EIF4G2: variants seen among roughly 807,000 people sequenced by gnomAD.
EIF4G2 encodes the protein eukaryotic translation initiation factor 4 gamma 2.
EIF4G2 carries 8 observed loss-of-function variants against 117.7 expected under a neutral mutation model. That is an observed-to-expected ratio of 0.07 (90% confidence interval 0.04 to 0.12). EIF4G2 has a LOEUF of 0.12. Among genes scored for constraint, EIF4G2 ranks in the 10% least tolerant of loss-of-function variants. The pLI is 1.00. For missense variants in EIF4G2, 812 were observed against 1,086.2 expected (o/e 0.75, Z 3.55); for synonymous variants, 413 against 367.8 (o/e 1.12, Z -1.41).
At chr11:10,807,155 A>T (rs1847600917) in intron 2 of EIF4G2, 100 bp downstream of exon 2, 2 of 1,496,804 alleles carry the variant, frequency 1.3e-6, no homozygotes, top group Admixed American at 4.5e-5. Context: ...AACTTTTCAA[A>T]TGAAAATTGC....
intron 19 of EIF4G2, 34 bp from the exon 20 acceptor site, chr11:10,799,458 G>C: frequency 6.2e-7 from 1 of 1,610,716 alleles, no homozygotes; most frequent in Non-Finnish European, 8.5e-7. Context: ...GAACCCAACA[G>C]TGAGTTTTCT....
chr11:10,807,480 G>C, intron 1 of EIF4G2, 99 bp from the exon 2 acceptor site: 1 of 1,401,182 alleles, frequency 7.1e-7, no homozygotes, highest in South Asian at 1.7e-5. Flanking sequence ...CACTGTCACT[G>C]CATTGCAGAT....
chr11:10,798,495 A>C (rs188582837), intron 21 of EIF4G2, among the ~76,000 whole-genome samples: 2 of 152,050 alleles, frequency 1.3e-5, no homozygotes, highest in Admixed American at 1.3e-4. Flanking sequence ...TGGGCTCAAG[A>C]CATCCTCCCG....
intron 3 of EIF4G2, 126 bp downstream of exon 3, chr11:10,806,694 C>G (rs1005522031): frequency 8.9e-6 from 9 of 1,013,426 alleles, no homozygotes; most frequent in Non-Finnish European, 1.3e-5. Flanking sequence ...ATTTAGGATA[C>G]CCAACAGAAA....
chr11:10,799,553 T>C lies in EIF4G2; in HGVS notation c.2323A>G (p.Ser775Gly), dbSNP rs1847361198. ...TATGCAGAAAACCATTCGTCTTACC[T>C]AGTCATTAAGATGTTCACAAATCCT... is the stretch of plus-strand genomic sequence containing the variant. The change falls in exon 19 of 22, where the codon AGC becomes GGC. Residue 775 changes from serine to glycine, a missense_variant and splice_region_variant. Ser to Gly is a moderately conservative substitution (Grantham distance 56, BLOSUM62 0). Coordinates refer to ENST00000339995, the MANE Select transcript of EIF4G2 (RefSeq NM_001418.4). 3.1e-6 allele frequency: 5 copies of C among 1,613,476 alleles called. No individual in the cohort carries two copies. Among genetic ancestry groups the C allele is most frequent in the Non-Finnish European group, 4.2e-6 (5 of 1,179,616 alleles).
chr11:10,800,040 T>C, intron 18 of EIF4G2, 50 bp downstream of exon 18: 1 of 1,577,188 alleles, frequency 6.3e-7, no homozygotes, highest in Non-Finnish European at 8.6e-7. Context: ...ACCTGAAATC[T>C]CTAGATATAA....
rs1401957197 is a variant in EIF4G2 at position 10,802,263 on chromosome 11, C to T, written c.1138+31G>A. The T allele has an allele frequency of 3.1e-6, 5 of 1,611,788 alleles. No individual in the cohort carries two copies. The African/African-American group carries it at 4.0e-5, about 13-fold the overall frequency. ...AAACTAAAGTTAACTGATTTTTCAG[C>T]TTAACGCAACCATTGTTTTTTCAAA... is the stretch of plus-strand genomic sequence containing the variant. On this transcript the variant is annotated intron_variant, in intron 12 of 21. Transcript: ENST00000339995.
chr11:10,799,161 T>A, intron 20 of EIF4G2, 48 bp from the exon 21 acceptor site: 1 of 1,606,570 alleles, frequency 6.2e-7, no homozygotes, highest in Non-Finnish European at 8.5e-7. Context: ...CATTATTTAG[T>A]GTTCTGTTTA....
At chr11:10,798,508 T>G (rs751641020) in intron 21 of EIF4G2, among the ~76,000 whole-genome samples, 8 of 152,210 alleles carry the variant, frequency 5.3e-5, no homozygotes, top group Non-Finnish European at 1.2e-4. Flanking sequence ...TCCTCCCGAG[T>G]AGCTGGGACC....
chr11:10,806,651 T>G (rs1847579946), intron 3 of EIF4G2, 169 bp downstream of exon 3: 1 of 635,928 alleles, frequency 1.6e-6, no homozygotes, highest in Admixed American at 3.0e-5. Flanking sequence ...TTAGAAAATT[T>G]GGCTAAGGAA....
At chr11:10,802,466 G>A (rs1590041921) in intron 11 of EIF4G2, 31 bp from the exon 12 acceptor site, 3 of 1,527,348 alleles carry the variant, frequency 2.0e-6, no homozygotes, top group African/African-American at 2.8e-5. Context: ...TGCACTTTTT[G>A]TCTCTGGACA....
chr11:10,808,037 G>A lies in EIF4G2; in HGVS notation c.-86-656C>T, dbSNP rs559570969. On this transcript the variant is annotated intron_variant, in intron 1 of 21. Coordinates refer to ENST00000339995, the MANE Select transcript of EIF4G2 (RefSeq NM_001418.4). Reference sequence around the variant, plus strand: ...CCCGCGAGGCCCGGGTCGCTCGACGGGGAGGAGCAGCTGAGGCCACCCCCG... The same window carrying A: ...CCCGCGAGGCCCGGGTCGCTCGACGAGGAGGAGCAGCTGAGGCCACCCCCG... The A allele has an allele frequency of 3.0e-4, 307 of 1,032,192 alleles. 2 individuals carry two copies. In the African/African-American group the frequency reaches 5.0e-3, roughly 17 times the overall value. 63.9% of individuals were successfully genotyped at this position (1,032,192 alleles called of 1,614,324 possible).
At position 10,800,622 on chromosome 11, in the gene EIF4G2, T is replaced by C. The variant is rs1449108411; in HGVS notation, c.1670A>G (p.Asn557Ser). The C allele has an allele frequency of 1.2e-6, 2 of 1,614,200 alleles. No homozygotes were observed. Among genetic ancestry groups the C allele is most frequent in the Admixed American group, 1.7e-5 (1 of 60,030 alleles). ...GACAGCCTCATTTGCATTTCCACTATTTAGATATTCAGTCACAACAGTTTC... is the reference window on the plus strand; with the variant it reads ...GACAGCCTCATTTGCATTTCCACTACTTAGATATTCAGTCACAACAGTTTC... The change falls in exon 17 of 22, where the codon AAT (asparagine) becomes AGT (serine). Residue 557 changes from asparagine to serine, a missense_variant. Coordinates refer to ENST00000339995, the MANE Select transcript of EIF4G2 (RefSeq NM_001418.4).
intron 4 of EIF4G2, among the ~76,000 whole-genome samples, chr11:10,805,253 T>G (rs1372640498): frequency 1.3e-5 from 2 of 152,164 alleles, no homozygotes; most frequent in Non-Finnish European, 2.9e-5. Context: ...TCTCACTTTC[T>G]CAAGGTTAGA....
In EIF4G2 at chr11:10,799,177, T is replaced by G. The variant is rs768431774; in HGVS notation, c.2536+36A>C. The G allele has an allele frequency of 6.2e-6, 10 of 1,611,472 alleles. No individual in the cohort carries two copies. The Admixed American group carries it at 1.7e-4, about 27-fold the overall frequency. Reference sequence around the variant, plus strand: ...ATTATTTAGTGTTCTGTTTAAGAACTTCCTCACGCCGTTCTTCTGATACAA... The same window carrying G: ...ATTATTTAGTGTTCTGTTTAAGAACGTCCTCACGCCGTTCTTCTGATACAA... On this transcript the variant is annotated intron_variant, in intron 20 of 21. Transcript: ENST00000339995.
intron 4 of EIF4G2, among the ~76,000 whole-genome samples, chr11:10,805,537 ACCTGTGGGGTATTCAAGTGATTCT>A: frequency 6.6e-6 from 1 of 151,328 alleles, no homozygotes; most frequent in Non-Finnish European, 1.5e-5. Flanking sequence ...TGCAACCTCC[ACCTGTGGGGTATTCAAGTGATTCT>A]CCTGCCTCAG....
intron 21 of EIF4G2, 157 bp downstream of exon 21, chr11:10,798,835 A>G: frequency 2.2e-6 from 2 of 907,476 alleles, no homozygotes; most frequent in Non-Finnish European, 3.3e-6. Flanking sequence ...GCTTTACTTA[A>G]TAATAGCTTC....
chr11:10,808,635 GAGA>G (rs2135425326), intron 1 of EIF4G2, 67 bp downstream of exon 1: 1 of 422,290 alleles, frequency 2.4e-6, no homozygotes, highest in Non-Finnish European at 3.5e-6. Context: ...TGTACCACTC[GAGA>G]AGAAGCGACC....
At chr11:10,801,209 C>G in intron 14 of EIF4G2, 122 bp from the exon 15 acceptor site, 1 of 1,401,360 alleles carries the variant, frequency 7.1e-7, no homozygotes, top group Non-Finnish European at 9.5e-7. Flanking sequence ...TTTTGAAAAA[C>G]TAAAGAAGGT....
Sources: allele counts gnomAD v4.1 joint callset (sites outside exome capture counted in the v4.1 genomes callset), GRCh38; gene constraint gnomAD v4.1.1; transcripts MANE v1.5; gene names NCBI Gene and HGNC (gene_info 2026-07-23, HGNC 2026-07-21).